DSE: variants seen among roughly 807,000 people sequenced by gnomAD.
DSE encodes dermatan sulfate epimerase.
In DSE, 36 loss-of-function variants were observed where a neutral mutation model predicts 84.4. The observed-to-expected ratio is 0.43, with a 90% CI of 0.33 to 0.56. The LOEUF (loss-of-function observed/expected upper bound fraction) is 0.56. DSE is among the 20% of genes least tolerant of loss of function. The probability of loss-of-function intolerance (pLI) is 0.06; values close to 1 mark genes in which losing one functional copy is unlikely to be tolerated. For synonymous variants in DSE, 410 were observed against 430.1 expected, an observed-to-expected ratio of 0.95 and a Z score of 0.58; for missense variants, 862 against 1,169.6, an observed-to-expected ratio of 0.74 and a Z score of 3.84.
At chr6:116,386,391 T>G (rs1780580454) in intron 1 of DSE, among the ~76,000 whole-genome samples, 1 of 152,250 alleles carries the variant, frequency 6.6e-6, no homozygotes, top group Non-Finnish European at 1.5e-5. Context: ...ACATTTGTTA[T>G]CATCTGGTTA....
At chr6:116,319,893 A>G (rs1776201347) in intron 2 of DSE, among the ~76,000 whole-genome samples, 3 of 152,124 alleles carry the variant, frequency 2.0e-5, no homozygotes, top group South Asian at 2.1e-4. Flanking sequence ...CCACTATTCT[A>G]TAAGCTGAAT....
At chr6:116,271,519 C>T (rs538855785) in intron 2 of DSE, among the ~76,000 whole-genome samples, 2 of 152,264 alleles carry the variant, frequency 1.3e-5, no homozygotes, top group South Asian at 2.1e-4. Context: ...GAATGTCAAT[C>T]CTATTTACAG....
At chr6:116,288,357 G>A (rs973646257) in intron 2 of DSE, 2 of 152,116 alleles carry the variant, frequency 1.3e-5, no homozygotes, top group African/African-American at 4.8e-5. Context: ...TTAGACTATT[G>A]TGCAAGGTAT....
intron 2 of DSE, among the ~76,000 whole-genome samples, chr6:116,290,349 G>C (rs1774203697): frequency 6.6e-6 from 1 of 152,094 alleles, no homozygotes; most frequent in African/African-American, 2.4e-5. Context: ...CTGATGGCTA[G>C]CTTAAACAGC....
chr6:116,288,610 C>A (rs1395478544), intron 2 of DSE: 1 of 152,064 alleles, frequency 6.6e-6, no homozygotes, highest in Non-Finnish European at 1.5e-5. Context: ...ATACTATAGG[C>A]ACTAGCCATA....
At chr6:116,375,652 A>T (rs1238956955) in intron 1 of DSE, 1 of 738,518 alleles carries the variant, frequency 1.4e-6, no homozygotes, top group Non-Finnish European at 1.7e-6. Context: ...TAGAAAGAGA[A>T]ATACAAGGTA....
At chr6:116,415,584 T>G (rs1782652987) in intron 2 of DSE, among the ~76,000 whole-genome samples, 2 of 150,824 alleles carry the variant, frequency 1.3e-5, no homozygotes, top group African/African-American at 4.9e-5. Context: ...ATGTTTAACC[T>G]CTTGGGCCAG....
Position 116,276,673 on chromosome 6 carries a change from G to A in DSE, c.-54+17706G>A, listed in dbSNP as rs530762016. On this transcript the variant is annotated intron_variant, in intron 2 of 3. Transcript: ENST00000430252. Reference sequence around the variant, plus strand: ...TGATTCCATAATTTTTAATTAATATGAACAACTTCATTCAAGCATTACATT... The same window carrying A: ...TGATTCCATAATTTTTAATTAATATAAACAACTTCATTCAAGCATTACATT... The A allele has an allele frequency of 1.2e-3, 178 of 152,126 alleles. 1 individual carries two copies. The highest frequency in any genetic ancestry group is 2.9e-3 in the Admixed American group (44 of 15,290). 9.4% of individuals were successfully genotyped at this position (152,126 alleles called of 1,614,324 possible).
At chr6:116,283,254 A>G (rs1307211245) in intron 2 of DSE, among the ~76,000 whole-genome samples, 1 of 152,238 alleles carries the variant, frequency 6.6e-6, no homozygotes, top group Non-Finnish European at 1.5e-5. Context: ...ACATAAAGTA[A>G]CTGGTAAATT....
rs559724212 is a variant in DSE, at chr6:116,285,858, C to A, written c.-54+26891C>A. 6.6e-4 allele frequency among the ~76,000 whole-genome samples: 101 copies of A among 152,246 alleles called. 2 individuals are homozygous for A. The South Asian group carries it at 0.021, about 31-fold the overall frequency. The stretch of plus-strand genomic sequence containing the variant: ...ATGTGTGGTATTATTTCTGAGGGCT[C>A]TGTTCTGTTCCATTGGTCTATATCT... On this transcript the variant is annotated intron_variant, in intron 2 of 3. Transcript: ENST00000430252.
intron 2 of DSE, among the ~76,000 whole-genome samples, chr6:116,361,526 C>T (rs1382042132): frequency 1.3e-5 from 2 of 152,050 alleles, no homozygotes; most frequent in East Asian, 3.9e-4. Flanking sequence ...TGTGATGGTG[C>T]ACATCTACAG....
chr6:116,400,208 C>T (rs3798417), intron 2 of DSE: 107,689 of 152,114 alleles, frequency 0.71, 38,491 homozygotes, highest in Admixed American at 0.77. Flanking sequence ...GGAATTCTAA[C>T]TACATAATAA....
chr6:116,394,089 T>G (rs929180549), intron 1 of DSE, among the ~76,000 whole-genome samples: 1 of 152,236 alleles, frequency 6.6e-6, no homozygotes, highest in Non-Finnish European at 1.5e-5. Flanking sequence ...ATTTAGGAGG[T>G]GCAAGTTCTA....
intron 1 of DSE, among the ~76,000 whole-genome samples, chr6:116,380,624 A>G (rs1294018679): frequency 6.6e-6 from 1 of 152,198 alleles, no homozygotes. Flanking sequence ...TCCATTGATG[A>G]CATTCTCTTT....
intron 1 of DSE, among the ~76,000 whole-genome samples, chr6:116,392,539 G>C (rs1351637534): frequency 6.6e-6 from 1 of 152,142 alleles, no homozygotes; most frequent in African/African-American, 2.4e-5. Flanking sequence ...GGTGGCAGGA[G>C]CTATAGGGGA....
At chr6:116,382,037 C>CTGTG (rs58610779) in intron 1 of DSE, among the ~76,000 whole-genome samples, 12,990 of 144,630 alleles carry the variant, frequency 0.09, 948 homozygotes, top group African/African-American at 0.2. Context: ...ACATGGCATT[C>CTGTG]TGTGTGTGTG....
chr6:116,407,871 G>T (rs568525295), intron 2 of DSE, among the ~76,000 whole-genome samples: 4 of 152,146 alleles, frequency 2.6e-5, no homozygotes, highest in Non-Finnish European at 5.9e-5. Context: ...TCACTGATAG[G>T]TATTTATGTG....
intron 2 of DSE, among the ~76,000 whole-genome samples, chr6:116,416,720 AT>A (rs1170014163): frequency 1.4e-3 from 202 of 146,660 alleles, no homozygotes; most frequent in African/African-American, 4.0e-3. Context: ...TTGCATGTTT[AT>A]TTTTTTTTTT....
chr6:116,411,205 A>G (rs1782331400), intron 2 of DSE, among the ~76,000 whole-genome samples: 2 of 152,042 alleles, frequency 1.3e-5, no homozygotes, highest in African/African-American at 4.8e-5. Flanking sequence ...ATAAAAAAAT[A>G]TATCCAATAT....
Sources: allele counts gnomAD v4.1 joint callset (sites outside exome capture counted in the v4.1 genomes callset), GRCh38; gene constraint gnomAD v4.1.1; transcripts MANE v1.5; gene names NCBI Gene and HGNC (gene_info 2026-07-23, HGNC 2026-07-21).